The following CCNDBP1 variants were observed in gnomAD, a reference collection of about 807,000 sequenced individuals.
CCNDBP1 encodes cyclin-D1-binding protein 1.
CCNDBP1 carries 45 observed loss-of-function variants against 46.2 expected under a neutral mutation model. That is an observed-to-expected ratio of 0.97 (90% CI 0.77 to 1.25). CCNDBP1 has a LOEUF of 1.25. CCNDBP1 is among the 50% of genes most tolerant of loss of function. The pLI, the probability that CCNDBP1 is intolerant of heterozygous loss-of-function variation, is 0.00. For synonymous variants in CCNDBP1, 154 were observed against 163.6 expected, an observed-to-expected ratio of 0.94 and a Z score of 0.45; for missense variants, 436 against 442.1, an observed-to-expected ratio of 0.99 and a Z score of 0.12.
rs2042012267 is a variant in CCNDBP1 at position 43,194,431 on chromosome 15, C to G, written c.938C>G (p.Ser313Cys). 5.6e-6 allele frequency: 9 copies of G among 1,605,578 alleles called. No homozygotes were observed. Among genetic ancestry groups the G allele is most frequent in the South Asian group, 3.4e-5 (3 of 89,310 alleles). ...TVRINSAKLV[S>C]VLKKALEITK... is the part of the protein sequence containing the mutation. ...CTTTTCTAGTCTGCGAAACTTGTAT[C>G]TGTTTTAAAGAAGGCACTTGAAATT... The change falls in exon 10 of 11, where the codon TCT becomes TGT. Residue 313 changes from serine to cysteine, a missense_variant. By Grantham distance (112) the Ser-to-Cys change is moderately radical (BLOSUM62 -1). Coordinates refer to ENST00000300213, the MANE Select transcript of CCNDBP1 (RefSeq NM_012142.5).
rs775648217 is a variant in CCNDBP1 at position 43,191,588 on chromosome 15, T to A, written c.773T>A (p.Ile258Asn). The change falls in exon 8 of 11, where the codon ATT (isoleucine) becomes AAT (asparagine). Residue 258 changes from isoleucine to asparagine, a missense_variant. Transcript: ENST00000300213. The part of the protein sequence containing the change: ...VRASKACLKK[I>N]RMLVAENGKK... ...GCATCCAAAGCCTGCCTGAAGAAAA[T>A]TCGGATGTTAGTGGCAGAGAATGGG... 3 of 1,613,834 alleles carry A rather than the reference T, an allele frequency of 1.9e-6. No homozygotes were observed. The highest frequency in any genetic ancestry group is 2.5e-6 in the Non-Finnish European group (3 of 1,179,976).
chr15:43,192,016 G>T (rs1198023992), intron 8 of CCNDBP1, among the ~76,000 whole-genome samples: 3 of 152,072 alleles, frequency 2.0e-5, no homozygotes, highest in African/African-American at 7.3e-5. Flanking sequence ...TCACATCCAA[G>T]AAATTTGACA....
At chr15:43,189,738 C>T (rs1330343526) in intron 4 of CCNDBP1, 5 of 379,676 alleles carry the variant, frequency 1.3e-5, no homozygotes, top group Admixed American at 4.2e-5. Context: ...TGTCATGGAT[C>T]TTCAGGGTTA....
At position 43,191,464 on chromosome 15, in the gene CCNDBP1, A is replaced by C. The variant is rs1284124160; in HGVS notation, c.649A>C (p.Asn217His). 1 of 1,613,780 alleles carries C rather than the reference A, an allele frequency of 6.2e-7. No individual in the cohort carries two copies. Among genetic ancestry groups the C allele is most frequent in the Non-Finnish European group, 8.5e-7 (1 of 1,179,986 alleles). Residue 217 changes from asparagine to histidine, a missense_variant, in exon 8 of 11, where the codon AAT becomes CAT. Asn to His is a moderately conservative substitution (Grantham distance 68). Transcript: ENST00000300213. ...DTEENNSDNH[N>H]HEDDVLGFPS... is the part of the protein sequence containing the mutation. The stretch of plus-strand genomic sequence containing the variant: ...TGAGGAGAACAACTCTGACAACCAC[A>C]ATCATGAGGATGATGTGTTGGGGTT...
At position 43,194,828 on chromosome 15, in the gene CCNDBP1, A is replaced by C; in HGVS notation, c.1070A>C (p.Glu357Ala). ...MNRIKELTQSELEL is the reference protein window; with the variant it reads ...MNRIKELTQSALEL ...AGAATCAAGGAGCTCACTCAGAGTG[A>C]ACTTGAATTATGACTTTTCAGGCTC... is the stretch of plus-strand genomic sequence containing the variant. The change falls in exon 11 of 11, where the codon GAA becomes GCA. Residue 357 changes from glutamate (E) to alanine (A), a missense_variant. Physicochemically the swap from Glu to Ala is moderately radical, Grantham distance 107 (BLOSUM62 -1). Transcript: ENST00000300213. 4 of 1,605,432 alleles carry C rather than the reference A, an allele frequency of 2.5e-6. No individual in the cohort carries two copies. Among genetic ancestry groups the C allele is most frequent in the Non-Finnish European group, 3.4e-6 (4 of 1,172,074 alleles).
At position 43,194,785 on chromosome 15, in the gene CCNDBP1, A is replaced by C; in HGVS notation, c.1027A>C (p.Ile343Leu). Residue 343 changes from isoleucine (I) to leucine (L), a missense_variant, in exon 11 of 11, where the codon ATT becomes CTT. By Grantham distance (5) the Ile-to-Leu change is conservative. Transcript: ENST00000300213. Reference protein sequence around the residue: ...DSWIPLLINAIDHCMNRIKEL... With the variant: ...DSWIPLLINALDHCMNRIKEL... ...TTGGATCCCTTTACTTATTAATGCCATTGATCATTGCATGAATAGAATCAA... is the reference window on the plus strand; with the variant it reads ...TTGGATCCCTTTACTTATTAATGCCCTTGATCATTGCATGAATAGAATCAA... The C allele has an allele frequency of 6.2e-7, 1 of 1,614,078 alleles. No homozygotes were observed. Among genetic ancestry groups the C allele is most frequent in the Non-Finnish European group, 8.5e-7 (1 of 1,179,910 alleles).
chr15:43,190,885 C>A lies in CCNDBP1; in HGVS notation c.503-81C>A, dbSNP rs573683398. 351 of 1,159,338 alleles carry A rather than the reference C, an allele frequency of 3.0e-4. 4 individuals are homozygous for A. In the African/African-American group the frequency reaches 3.1e-3, roughly 10 times the overall value. 71.8% of individuals were successfully genotyped at this position (1,159,338 alleles called of 1,614,324 possible). A position where few individuals can be genotyped will look rare whatever the true frequency, so the allele number is the denominator to read the frequency against. On this transcript the variant is annotated intron_variant, in intron 6 of 10. Transcript: ENST00000300213. ...TCCTTGGCACTCCCATCAATAGGAA[C>A]AATGTGATTGTTCCTTGCAGTCATA...
In CCNDBP1 at chr15:43,185,625, G is replaced by A. The variant is rs1248358489; in HGVS notation, c.109+18G>A. The A allele has an allele frequency of 5.2e-6, 6 of 1,157,524 alleles. No individual in the cohort carries two copies. Among genetic ancestry groups the A allele is most frequent in the Admixed American group, 2.1e-5 (1 of 47,272 alleles). 71.7% of individuals were successfully genotyped at this position (1,157,524 alleles called of 1,614,324 possible). A position where few individuals can be genotyped will look rare whatever the true frequency, so the allele number is the denominator to read the frequency against. ...AGTGCGGGGTGAGCTGACGGAGTTAGAACGGGCGACGGCAGGGGCGGGCTC... is the reference window on the plus strand; with the variant it reads ...AGTGCGGGGTGAGCTGACGGAGTTAAAACGGGCGACGGCAGGGGCGGGCTC... On this transcript the variant is annotated intron_variant, in intron 1 of 10. Transcript: ENST00000300213.
chr15:43,188,802 T>C, intron 3 of CCNDBP1: 1 of 164,582 alleles, frequency 6.1e-6, no homozygotes, highest in Non-Finnish European at 1.3e-5. Flanking sequence ...CTAGGCCGGG[T>C]GCAGTGGCTT....
chr15:43,186,001 C>A, intron 2 of CCNDBP1, 122 bp downstream of exon 2: 2 of 1,166,160 alleles, frequency 1.7e-6, no homozygotes, highest in East Asian at 2.4e-5. Flanking sequence ...CTGTGAGGTA[C>A]CTTACCCACC....
At chr15:43,186,008 C>T (rs1253334013) in intron 2 of CCNDBP1, 129 bp downstream of exon 2, 1 of 1,142,778 alleles carries the variant, frequency 8.8e-7, no homozygotes, top group Non-Finnish European at 1.3e-6. Flanking sequence ...GTACCTTACC[C>T]ACCTCAGCAC....
In CCNDBP1 at chr15:43,186,162, G is replaced by A; in HGVS notation, c.178G>A (p.Ala60Thr). 1 of 1,614,102 alleles carries A rather than the reference G, an allele frequency of 6.2e-7. No individual in the cohort carries two copies. Among genetic ancestry groups the A allele is most frequent in the Non-Finnish European group, 8.5e-7 (1 of 1,179,972 alleles). The change falls in exon 3 of 11, where the codon GCT (alanine) becomes ACT (threonine). Residue 60 changes from alanine (A) to threonine (T), a missense_variant. By Grantham distance (58) the Ala-to-Thr change is moderately conservative. Transcript: ENST00000300213. ...CTTCGGCCACCCCCCAGATGAGGCA[G>A]CTGTGACTGTGTCAAGGGAAGCCAC... is the stretch of plus-strand genomic sequence containing the variant. ...EMFWRRLNEA[A>T]VTVSREATTL... is the part of the protein sequence containing the mutation.
chr15:43,190,881 G>C, intron 6 of CCNDBP1, 85 bp from the exon 7 acceptor site: 2 of 1,128,290 alleles, frequency 1.8e-6, no homozygotes, highest in Non-Finnish European at 2.7e-6. Flanking sequence ...CCCATCAATA[G>C]GAACAATGTG....
At chr15:43,194,627 T>C in intron 10 of CCNDBP1, 100 bp from the exon 11 acceptor site, 2 of 1,073,538 alleles carry the variant, frequency 1.9e-6, no homozygotes, top group South Asian at 1.5e-5. Flanking sequence ...GAAGCTTCCC[T>C]TTAAAAAAAT....
chr15:43,189,901 G>A (rs960898017), intron 4 of CCNDBP1, 154 bp from the exon 5 acceptor site: 1 of 605,370 alleles, frequency 1.7e-6, no homozygotes. Context: ...AAAATGCCAT[G>A]GGGATATAAG....
rs775848170 is a variant in CCNDBP1 at position 43,186,150 on chromosome 15, C to A, written c.170-4C>A. The A allele has an allele frequency of 2.5e-6, 4 of 1,613,796 alleles. No homozygotes were observed. Among genetic ancestry groups the A allele is most frequent in the African/African-American group, 2.7e-5 (2 of 74,942 alleles). On this transcript the variant is annotated splice_polypyrimidine_tract_variant and splice_region_variant and intron_variant, in intron 2 of 10. Transcript: ENST00000300213. ...CACCTGCCTCCTCTTCGGCCACCCC[C>A]CAGATGAGGCAGCTGTGACTGTGTC...
intron 9 of CCNDBP1, 79 bp from the exon 10 acceptor site, chr15:43,194,336 A>T: frequency 1.7e-6 from 2 of 1,177,742 alleles, no homozygotes; most frequent in Non-Finnish European, 1.2e-6. Context: ...TTTTTTTATT[A>T]CTTGGGTCTT....
chr15:43,191,942 G>A (rs1466847421), intron 8 of CCNDBP1, among the ~76,000 whole-genome samples: 1 of 152,100 alleles, frequency 6.6e-6, no homozygotes, highest in South Asian at 2.1e-4. Context: ...AGACAGCAAT[G>A]ACATTTCACC....
Position 43,185,804 on chromosome 15 carries a change from A to G in CCNDBP1, c.110-16A>G. On this transcript the variant is annotated splice_polypyrimidine_tract_variant and intron_variant, in intron 1 of 10. Coordinates refer to ENST00000300213, the MANE Select transcript of CCNDBP1 (RefSeq NM_012142.5). ...CCATTCGCCACCGTTCGGCCCCCAC[A>G]CGCCACACCCACAAGTCGGCGAAGC... 6.2e-7 allele frequency: 1 copy of G among 1,609,342 alleles called. No homozygotes were observed. Among genetic ancestry groups the G allele is most frequent in the Non-Finnish European group, 8.5e-7 (1 of 1,179,706 alleles).
Sources: allele counts gnomAD v4.1 joint callset (sites outside exome capture counted in the v4.1 genomes callset), GRCh38; gene constraint gnomAD v4.1.1; transcripts MANE v1.5; gene names NCBI Gene and HGNC (gene_info 2026-07-23, HGNC 2026-07-21).